PALM2AKAP2: variants seen among roughly 807,000 people sequenced by gnomAD.
PALM2AKAP2 encodes PALM2-AKAP2 fusion protein.
Under a neutral mutation model 71.5 loss-of-function variants are expected in PALM2AKAP2, and 37 were observed. That is an observed-to-expected ratio of 0.52 (90% CI 0.40 to 0.68). The LOEUF (loss-of-function observed/expected upper bound fraction) is 0.68. PALM2AKAP2 is among the 30% of genes least tolerant of loss of function. PALM2AKAP2 has a pLI of 0.00. For missense variants in PALM2AKAP2, 1,224 were observed against 1,191.8 expected (o/e 1.03, Z -0.40); for synonymous variants, 468 against 478.8 (o/e 0.98, Z 0.29).
chr9:109,803,732 C>T (rs1827497907), intron 1 of PALM2AKAP2, among the ~76,000 whole-genome samples: 1 of 152,202 alleles, frequency 6.6e-6, no homozygotes, highest in African/African-American at 2.4e-5. Context: ...CAATTCTCCT[C>T]TTTCATCTGC....
At chr9:109,929,476 G>A (rs947861442) in intron 5 of PALM2AKAP2, among the ~76,000 whole-genome samples, 3 of 152,112 alleles carry the variant, frequency 2.0e-5, no homozygotes, top group Non-Finnish European at 4.4e-5. Context: ...TGACCTCAAG[G>A]TGCTGCTCTT....
intron 7 of PALM2AKAP2, among the ~76,000 whole-genome samples, chr9:110,035,676 A>T (rs1335462212): frequency 7.5e-5 from 9 of 120,380 alleles, no homozygotes. Context: ...GTTGTGTGTT[A>T]TATATAACAT....
chr9:110,000,677 G>T (rs1428435654), intron 6 of PALM2AKAP2, among the ~76,000 whole-genome samples: 7 of 152,146 alleles, frequency 4.6e-5, no homozygotes, highest in African/African-American at 9.7e-5. Flanking sequence ...AGCACCTGTT[G>T]TTTCCTGACT....
At chr9:110,145,170 G>A (rs898013474) in intron 2 of PALM2AKAP2, among the ~76,000 whole-genome samples, 5 of 152,100 alleles carry the variant, frequency 3.3e-5, no homozygotes, top group African/African-American at 1.2e-4. Context: ...GGTGGCCTGG[G>A]TGTATAAATT....
intron 1 of PALM2AKAP2, among the ~76,000 whole-genome samples, chr9:110,065,720 T>C (rs533043416): frequency 9.6e-4 from 146 of 152,320 alleles, no homozygotes; most frequent in African/African-American, 3.4e-3. Flanking sequence ...TTCTTTCCTC[T>C]TCCCCAGCTC....
chr9:110,050,913 C>A (rs1198038018), intron 1 of PALM2AKAP2, among the ~76,000 whole-genome samples: 1 of 152,214 alleles, frequency 6.6e-6, no homozygotes, highest in East Asian at 1.9e-4. Context: ...CAGGCATGAG[C>A]CACCACACCC....
At chr9:109,670,553 T>C (rs1237495219) in intron 1 of PALM2AKAP2, among the ~76,000 whole-genome samples, 1 of 152,202 alleles carries the variant, frequency 6.6e-6, no homozygotes. Context: ...ATTTCTTTGC[T>C]ATTGTGAATA....
intron 1 of PALM2AKAP2, among the ~76,000 whole-genome samples, chr9:110,091,371 T>C (rs937126744): frequency 1.3e-5 from 2 of 151,886 alleles, no homozygotes; most frequent in African/African-American, 4.8e-5. Flanking sequence ...ATGTGTGTGA[T>C]CCTCGTTGCT....
chr9:109,922,883 C>T (rs962202349), intron 3 of PALM2AKAP2, among the ~76,000 whole-genome samples: 1 of 152,310 alleles, frequency 6.6e-6, no homozygotes, highest in Non-Finnish European at 1.5e-5. Context: ...CTTCACCTTG[C>T]CAAGCCCTAC....
chr9:110,132,034 T>C (rs1319347189), intron 1 of PALM2AKAP2, among the ~76,000 whole-genome samples: 3 of 11,152 alleles, frequency 2.7e-4, no homozygotes, highest in Non-Finnish European at 4.3e-4. Flanking sequence ...GTAACTAGCG[T>C]GTGTGTGTGT....
intron 3 of PALM2AKAP2, among the ~76,000 whole-genome samples, chr9:109,913,921 T>G (rs1293679940): frequency 6.6e-6 from 1 of 152,068 alleles, no homozygotes; most frequent in Non-Finnish European, 1.5e-5. Context: ...TACGCCCAGC[T>G]AATTTTTTGT....
At chr9:109,673,903 G>A (rs576726618) in intron 1 of PALM2AKAP2, among the ~76,000 whole-genome samples, 2 of 152,118 alleles carry the variant, frequency 1.3e-5, no homozygotes, top group South Asian at 4.2e-4. Context: ...TGTTTTGTCA[G>A]GAACTAGGAT....
chr9:109,998,856 C>T (rs1335079708), intron 6 of PALM2AKAP2, among the ~76,000 whole-genome samples: 2 of 151,646 alleles, frequency 1.3e-5, no homozygotes, highest in Non-Finnish European at 2.9e-5. Flanking sequence ...CAGGAAAAGG[C>T]CATGTCATCC....
In PALM2AKAP2 at chr9:109,768,272, G is replaced by A. The variant is rs192440716; in HGVS notation, c.6-12216G>A. 1.3e-3 allele frequency among the ~76,000 whole-genome samples: 192 copies of A among 152,172 alleles called. 1 individual carries two copies. Among genetic ancestry groups the A allele is most frequent in the African/African-American group, 4.4e-3 (182 of 41,528 alleles). On this transcript the variant is annotated intron_variant, in intron 1 of 6. Coordinates refer to the PALM2AKAP2 transcript ENST00000374531. ...CAGCTCAGTTGATTGTCCTTTTAATGTTTGTTATCTGAGGCCTTATTCCTT... is the reference window on the plus strand; with the variant it reads ...CAGCTCAGTTGATTGTCCTTTTAATATTTGTTATCTGAGGCCTTATTCCTT...
At chr9:109,920,497 A>G (rs1417117989) in intron 3 of PALM2AKAP2, among the ~76,000 whole-genome samples, 1 of 150,874 alleles carries the variant, frequency 6.6e-6, no homozygotes, top group Non-Finnish European at 1.5e-5. Context: ...CTCCTGCCTC[A>G]GCCTCTAGAG....
chr9:109,701,863 T>TC (rs1828066220), intron 1 of PALM2AKAP2, among the ~76,000 whole-genome samples: 1 of 152,028 alleles, frequency 6.6e-6, no homozygotes, highest in Non-Finnish European at 1.5e-5. Flanking sequence ...AGGGCTAATA[T>TC]CCAGAATCTA....
intron 1 of PALM2AKAP2, among the ~76,000 whole-genome samples, chr9:109,825,363 G>T (rs988559519): frequency 6.6e-6 from 1 of 152,158 alleles, no homozygotes; most frequent in Non-Finnish European, 1.5e-5. Context: ...ATTGACAAAT[G>T]GGATCTAATT....
intron 1 of PALM2AKAP2, among the ~76,000 whole-genome samples, chr9:109,786,386 CA>C (rs1234501412): frequency 6.6e-6 from 1 of 152,232 alleles, no homozygotes; most frequent in African/African-American, 2.4e-5. Context: ...CATCCCCATC[CA>C]TGTTCCTTGT....
intron 1 of PALM2AKAP2, among the ~76,000 whole-genome samples, chr9:109,707,995 C>A (rs1264454248): frequency 6.6e-6 from 1 of 152,114 alleles, no homozygotes; most frequent in East Asian, 1.9e-4. Context: ...CTTCATGGCC[C>A]CTTCTCCATT....
Sources: allele counts gnomAD v4.1 joint callset (sites outside exome capture counted in the v4.1 genomes callset), GRCh38; gene constraint gnomAD v4.1.1; transcripts MANE v1.5; gene names NCBI Gene and HGNC (gene_info 2026-07-23, HGNC 2026-07-21).